Variants in EME2 observed in about 807,000 individuals in gnomAD.
EME2 encodes the protein structure-specific endonuclease subunit EME2.
A neutral mutation model predicts 41.9 loss-of-function variants in EME2; 58 were observed. That is an observed-to-expected ratio of 1.38 (90% CI 1.12 to 1.72). The LOEUF (loss-of-function observed/expected upper bound fraction) is 1.72. EME2 is among the 40% of genes most tolerant of loss of function. The probability of loss-of-function intolerance (pLI) is 0.00; values close to 1 mark genes in which losing one functional copy is unlikely to be tolerated. For missense variants in EME2, 695 were observed against 541.9 expected (o/e 1.28, Z -2.81); for synonymous variants, 334 against 239.3 (o/e 1.40, Z -3.65).
rs1487117374 is a variant in EME2, at chr16:1,776,777, T to A, written c.*539T>A. ...AAGTCTATGACGGCGGGGCAGCCGC[T>A]GACAGCATGCAGAGCAAGTTAGGAA... is the stretch of plus-strand genomic sequence containing the variant. On this transcript the variant is annotated 3_prime_UTR_variant, in exon 8 of 8. Transcript: ENST00000568449. 2 of 452,506 alleles carry A rather than the reference T, an allele frequency of 4.4e-6. No individual in the cohort carries two copies. The highest frequency in any genetic ancestry group is 3.9e-5 in the Admixed American group (1 of 25,364). The allele number at this position is 452,506 out of a possible 1,614,324, so 28.0% of individuals were successfully genotyped here. A position where few individuals can be genotyped will look rare whatever the true frequency, so the allele number is the denominator to read the frequency against.
chr16:1,776,214 TCTCCTGCTGGACCTGGG>T lies in EME2; in HGVS notation c.1123_1139del (p.Leu375ThrfsTer43), dbSNP rs765194746. 8 of 1,612,510 alleles carry T rather than the reference TCTCCTGCTGGACCTGGG, an allele frequency of 5.0e-6. No homozygotes were observed. The South Asian group carries it at 8.8e-5, about 18-fold the overall frequency. On this transcript the variant is annotated frameshift_variant, in exon 8 of 8. Transcript: ENST00000568449. LOFTEE classifies it high-confidence loss of function. ...TCTTCCTGACCACAGCCAACCCTGA[TCTCCTGCTGGACCTGGG>T]CTCCTGACCACACGTGGGACCACCA...
rs1307317185 is a variant in EME2 at position 1,778,241 on chromosome 16, T to C, written c.*2003T>C. 10 of 1,612,958 alleles carry C rather than the reference T, an allele frequency of 6.2e-6. No homozygotes were observed. Among genetic ancestry groups the C allele is most frequent in the African/African-American group, 1.3e-5 (1 of 75,044 alleles). ...GCCGCTGTGCCGCAGCTGTACTCCA[T>C]GTGGAAGCTGACCTTACGGTTGTCA... On this transcript the variant is annotated 3_prime_UTR_variant, in exon 8 of 8. Coordinates refer to ENST00000568449, the MANE Select transcript of EME2 (RefSeq NM_001257370.2).
Position 1,776,505 on chromosome 16 carries a change from T to C in EME2, c.*267T>C, listed in dbSNP as rs1358510058. 3 of 460,970 alleles carry C rather than the reference T, an allele frequency of 6.5e-6. No individual in the cohort carries two copies. Among genetic ancestry groups the C allele is most frequent in the South Asian group, 3.6e-5 (1 of 27,616 alleles). 28.6% of individuals were successfully genotyped at this position (460,970 alleles called of 1,614,324 possible). On this transcript the variant is annotated 3_prime_UTR_variant, in exon 8 of 8. Coordinates refer to ENST00000568449, the MANE Select transcript of EME2 (RefSeq NM_001257370.2). The stretch of plus-strand genomic sequence containing the variant: ...CCAGGGGAGGCCTCAGCAGCAGGGC[T>C]GTGCCCCCCCAACACACACACACAC...
chr16:1,774,358 C>G lies in EME2; in HGVS notation c.477+6C>G, dbSNP rs763586739. On this transcript the variant is annotated splice_donor_region_variant and intron_variant, in intron 3 of 7. Coordinates refer to ENST00000568449, the MANE Select transcript of EME2 (RefSeq NM_001257370.2). ...GCGTCGCCACACTGACCCAGGTGCTCGGGTGGTGGCAGTAGTCCCTCTCTA... is the reference window on the plus strand; with the variant it reads ...GCGTCGCCACACTGACCCAGGTGCTGGGGTGGTGGCAGTAGTCCCTCTCTA... 6.2e-7 allele frequency: 1 copy of G among 1,611,070 alleles called. No individual in the cohort carries two copies. The highest frequency in any genetic ancestry group is 8.5e-7 in the Non-Finnish European group (1 of 1,178,538).
chr16:1,777,198 G>T lies in EME2; in HGVS notation c.*960G>T. ...GGATCGGACACTGGAGCCTTGCGGC[G>T]GCTGCAACTCATGCTCAGGACCCAG... On this transcript the variant is annotated 3_prime_UTR_variant, in exon 8 of 8. Transcript: ENST00000568449. 1.9e-6 allele frequency: 3 copies of T among 1,610,482 alleles called. No homozygotes were observed. The highest frequency in any genetic ancestry group is 1.7e-6 in the Non-Finnish European group (2 of 1,179,830).
chr16:1,778,509 C>G lies in EME2; in HGVS notation c.*2271C>G. 1.2e-6 allele frequency: 2 copies of G among 1,612,190 alleles called. No individual in the cohort carries two copies. The highest frequency in any genetic ancestry group is 1.7e-6 in the Non-Finnish European group (2 of 1,179,680). On this transcript the variant is annotated 3_prime_UTR_variant, in exon 8 of 8. Coordinates refer to ENST00000568449, the MANE Select transcript of EME2 (RefSeq NM_001257370.2). Reference sequence around the variant, plus strand: ...CAGGCTGCTACAGAAGGAGGCCTCGCTCTGCCCAGCACAGTCACAGAAGGA... The same window carrying G: ...CAGGCTGCTACAGAAGGAGGCCTCGGTCTGCCCAGCACAGTCACAGAAGGA...
In EME2 at chr16:1,781,314, C is replaced by T. The variant is rs370556158; in HGVS notation, c.*5076C>T. On this transcript the variant is annotated 3_prime_UTR_variant, in exon 8 of 8. Coordinates refer to ENST00000568449, the MANE Select transcript of EME2 (RefSeq NM_001257370.2). Reference sequence around the variant, plus strand: ...TCTGCCTGCCTGCCTAGGGCATCTCCACACCTTAGGCCAGCCACGTCCGCC... The same window carrying T: ...TCTGCCTGCCTGCCTAGGGCATCTCTACACCTTAGGCCAGCCACGTCCGCC... The T allele has an allele frequency of 5.0e-6, 8 of 1,612,676 alleles. No individual in the cohort carries two copies. Among genetic ancestry groups the T allele is most frequent in the South Asian group, 1.1e-5 (1 of 91,084 alleles).
rs755856048 is a variant in EME2 at position 1,777,762 on chromosome 16, T to C, written c.*1524T>C. On this transcript the variant is annotated 3_prime_UTR_variant, in exon 8 of 8. Transcript: ENST00000568449. ...ACGGCCTCACCTATACACTTCCTGT[T>C]CTTGAAAAAGGTGAGTGTGCCGTGC... 1 of 1,612,588 alleles carries C rather than the reference T, an allele frequency of 6.2e-7. No homozygotes were observed. Among genetic ancestry groups the C allele is most frequent in the South Asian group, 1.1e-5 (1 of 91,044 alleles).
At position 1,778,748 on chromosome 16, in the gene EME2, T is replaced by A; in HGVS notation, c.*2510T>A. On this transcript the variant is annotated 3_prime_UTR_variant, in exon 8 of 8. Coordinates refer to ENST00000568449, the MANE Select transcript of EME2 (RefSeq NM_001257370.2). ...GTCCAGGCCTCCAGGGACTTCACAG[T>A]ACCCCGAGCGCACAGCCCAGGCTCC... 1 of 958,798 alleles carries A rather than the reference T, an allele frequency of 1.0e-6. No homozygotes were observed. Among genetic ancestry groups the A allele is most frequent in the Non-Finnish European group, 1.5e-6 (1 of 672,102 alleles). 59.4% of individuals were successfully genotyped at this position (958,798 alleles called of 1,614,324 possible).
At chr16:1,775,753 G>A (rs2042701654) in intron 6 of EME2, 44 bp from the exon 7 acceptor site, 1 of 1,612,250 alleles carries the variant, frequency 6.2e-7, no homozygotes, top group Non-Finnish European at 8.5e-7. Context: ...GGCCTTTTGG[G>A]AGCTGCTCAC....
Position 1,776,172 on chromosome 16 carries a change from C to T in EME2, c.1074C>T (p.Leu358=). ...GTCCCCGCAGGGTGGGGCCTGACCT[C>T]TCCCGCCGCATCTGCCTCTTCCTGA... The part of the protein sequence containing the change: ...GGRPRRVGPD[L]SRRICLFLTT... Residue 358 remains leucine (L), a synonymous_variant, in exon 8 of 8, where the codon CTC becomes CTT. Transcript: ENST00000568449. The T allele has an allele frequency of 3.7e-6, 6 of 1,612,594 alleles. No homozygotes were observed. The highest frequency in any genetic ancestry group is 3.3e-5 in the South Asian group (3 of 91,086).
Position 1,773,279 on chromosome 16 carries a change from C to G in EME2, c.52C>G (p.Arg18Gly), listed in dbSNP as rs1309498275. 2.0e-6 allele frequency: 3 copies of G among 1,470,062 alleles called. No individual in the cohort carries two copies. Among genetic ancestry groups the G allele is most frequent in the East Asian group, 2.6e-5 (1 of 37,970 alleles). The allele number at this position is 1,470,062 out of a possible 1,614,324, so 91.1% of individuals were successfully genotyped here. A position where few individuals can be genotyped will look rare whatever the true frequency, so the allele number is the denominator to read the frequency against. The change falls in exon 1 of 8, where the codon CGG (arginine) becomes GGG (glycine). Residue 18 changes from arginine to glycine, a missense_variant. Coordinates refer to ENST00000568449, the MANE Select transcript of EME2 (RefSeq NM_001257370.2). ...GGGGGTCTCTTGCCAGGGCCGGGGCCGGGGACGGGGCGGGAGCGGTCAGCG... is the reference window on the plus strand; with the variant it reads ...GGGGGTCTCTTGCCAGGGCCGGGGCGGGGGACGGGGCGGGAGCGGTCAGCG... ...RAGVSCQGRG[R>G]GRGGSGQRRP...
Position 1,778,413 on chromosome 16 carries a change from A to G in EME2, c.*2175A>G. 1 of 1,606,074 alleles carries G rather than the reference A, an allele frequency of 6.2e-7. No homozygotes were observed. ...GGCCCGCCCGCAGTGCAGTCCCAGC[A>G]GGGGCTGGGCCCCACGCTCACACTC... On this transcript the variant is annotated 3_prime_UTR_variant, in exon 8 of 8. Coordinates refer to ENST00000568449, the MANE Select transcript of EME2 (RefSeq NM_001257370.2).
Position 1,781,573 on chromosome 16 carries a change from C to G in EME2, c.*5335C>G, listed in dbSNP as rs574317848. On this transcript the variant is annotated 3_prime_UTR_variant, in exon 8 of 8. Transcript: ENST00000568449. ...CTGAGCTTCCAGGCTGGGCCACGGA[C>G]CCACTCAAAGTGGGGACTGCAGGGG... 1 of 1,512,538 alleles carries G rather than the reference C, an allele frequency of 6.6e-7. No homozygotes were observed. The highest frequency in any genetic ancestry group is 1.4e-5 in the African/African-American group (1 of 72,008). 93.7% of individuals were successfully genotyped at this position (1,512,538 alleles called of 1,614,324 possible). A position where few individuals can be genotyped will look rare whatever the true frequency, so the allele number is the denominator to read the frequency against.
chr16:1,781,017 G>T lies in EME2; in HGVS notation c.*4779G>T. The T allele has an allele frequency of 1.9e-6, 1 of 537,252 alleles. No individual in the cohort carries two copies. The highest frequency in any genetic ancestry group is 3.0e-6 in the Non-Finnish European group (1 of 332,056). 33.3% of individuals were successfully genotyped at this position (537,252 alleles called of 1,614,324 possible). A position where few individuals can be genotyped will look rare whatever the true frequency, so the allele number is the denominator to read the frequency against. The stretch of plus-strand genomic sequence containing the variant: ...CAAAGTGCTAGGATTATAGGTGTGA[G>T]CCACAGTGCCCAGCCCCGTAGTGGA... On this transcript the variant is annotated 3_prime_UTR_variant, in exon 8 of 8. Coordinates refer to ENST00000568449, the MANE Select transcript of EME2 (RefSeq NM_001257370.2).
Position 1,777,140 on chromosome 16 carries a change from C to G in EME2, c.*902C>G. On this transcript the variant is annotated 3_prime_UTR_variant, in exon 8 of 8. Coordinates refer to ENST00000568449, the MANE Select transcript of EME2 (RefSeq NM_001257370.2). ...CTTCCTCTGGCAGGGCCGAGGCTCG[C>G]GACTGCTGGGGTGGGCGGAGGTCGC... 1.9e-6 allele frequency: 3 copies of G among 1,611,638 alleles called. No homozygotes were observed. The highest frequency in any genetic ancestry group is 2.5e-6 in the Non-Finnish European group (3 of 1,179,756).
At chr16:1,775,511 CTG>C in intron 5 of EME2, 56 bp from the exon 6 acceptor site, 2 of 1,598,722 alleles carry the variant, frequency 1.3e-6, no homozygotes, top group South Asian at 1.1e-5. Context: ...CAGCTATCAG[CTG>C]TGTGTCCCGG....
At position 1,778,563 on chromosome 16, in the gene EME2, A is replaced by T. The variant is rs773187789; in HGVS notation, c.*2325A>T. ...GCCGGTCACGGGCACCGCACTGGGG[A>T]TGGATGGCGGCAGCGTGGAGTACTC... On this transcript the variant is annotated 3_prime_UTR_variant, in exon 8 of 8. Transcript: ENST00000568449. 6.3e-7 allele frequency: 1 copy of T among 1,599,870 alleles called. No homozygotes were observed.
At position 1,781,040 on chromosome 16, in the gene EME2, G is replaced by T; in HGVS notation, c.*4802G>T. ...GAGCCACAGTGCCCAGCCCCGTAGTGGAGAATTTCTGTTGAATGAACCAAA... is the reference window on the plus strand; with the variant it reads ...GAGCCACAGTGCCCAGCCCCGTAGTTGAGAATTTCTGTTGAATGAACCAAA... On this transcript the variant is annotated 3_prime_UTR_variant, in exon 8 of 8. Transcript: ENST00000568449. The T allele has an allele frequency of 2.7e-6, 2 of 730,826 alleles. No individual in the cohort carries two copies. The highest frequency in any genetic ancestry group is 2.0e-6 in the Non-Finnish European group (1 of 491,296). 45.3% of individuals were successfully genotyped at this position (730,826 alleles called of 1,614,324 possible).
Sources: allele counts gnomAD v4.1 joint callset, GRCh38; gene constraint gnomAD v4.1.1; transcripts MANE v1.5; gene names NCBI Gene and HGNC (gene_info 2026-07-23, HGNC 2026-07-21).